The following ABCA4 variants were observed in gnomAD, a reference collection of about 807,000 sequenced individuals.
The protein encoded by ABCA4 is ATP binding cassette subfamily A member 4.
Under a neutral mutation model 263.7 loss-of-function variants are expected in ABCA4, and 196 were observed. The observed-to-expected ratio is 0.74, with a 90% CI of 0.66 to 0.84. ABCA4 has a LOEUF of 0.84. Among genes scored for constraint, ABCA4 ranks in the 40% least tolerant of loss-of-function variants. The pLI, the probability that ABCA4 is intolerant of heterozygous loss-of-function variation, is 0.00. For synonymous variants in ABCA4, 1,133 were observed against 1,094.2 expected (o/e 1.04, Z -0.70); for missense variants, 2,792 against 2,855.1 (o/e 0.98, Z 0.50).
chr1:94,002,082 G>T, intron 44 of ABCA4, 90 bp from the exon 45 acceptor site: 3 of 1,586,714 alleles, frequency 1.9e-6, no homozygotes, highest in Admixed American at 3.4e-5. Flanking sequence ...CAGATCTCAC[G>T]CCTCCAGAAT....
intron 6 of ABCA4, among the ~76,000 whole-genome samples, chr1:94,089,172 T>C (rs1661908835): frequency 1.3e-5 from 2 of 152,248 alleles, no homozygotes; most frequent in Admixed American, 1.3e-4. Flanking sequence ...TATGTAGGTA[T>C]AGTTTTCTAA....
chr1:94,026,977 A>G (rs1343862009), intron 30 of ABCA4, among the ~76,000 whole-genome samples: 4 of 152,050 alleles, frequency 2.6e-5, no homozygotes, highest in Admixed American at 2.0e-4. Flanking sequence ...AGAATGAGAA[A>G]GAGATTGAGA....
At chr1:94,061,372 G>T in intron 13 of ABCA4, 1 of 158,152 alleles carries the variant, frequency 6.3e-6, no homozygotes, top group Admixed American at 6.0e-5. Context: ...AGGAGACCCT[G>T]GTATATCCAC....
Position 94,044,443 on chromosome 1 carries a change from A to G in ABCA4, c.3050+170T>C, listed in dbSNP as rs17110925. 0.022 allele frequency among the ~76,000 whole-genome samples: 3,391 copies of G among 152,274 alleles called. 131 individuals carry two copies. Among genetic ancestry groups the G allele is most frequent in the African/African-American group, 0.076 (3,151 of 41,550 alleles). The stretch of plus-strand genomic sequence containing the variant: ...GCAGAGTCCCATATTCTCAGGGACA[A>G]TTCTCACTGCAAGTAGGACAAAGGA... On this transcript the variant is annotated intron_variant, in intron 20 of 49. Coordinates refer to ENST00000370225, the MANE Select transcript of ABCA4 (RefSeq NM_000350.3).
At chr1:94,090,943 A>G (rs1661951940) in intron 6 of ABCA4, among the ~76,000 whole-genome samples, 1 of 152,160 alleles carries the variant, frequency 6.6e-6, no homozygotes, top group Non-Finnish European at 1.5e-5. Flanking sequence ...GGGAAGTGAC[A>G]CTTGAGCTGA....
intron 18 of ABCA4, among the ~76,000 whole-genome samples, chr1:94,048,093 C>T (rs1252440614): frequency 6.6e-6 from 1 of 152,194 alleles, no homozygotes; most frequent in African/African-American, 2.4e-5. Flanking sequence ...TGCAGTCTAA[C>T]TCTGGGAGGG....
At chr1:94,023,465 G>C (rs759839525) in intron 31 of ABCA4, 47 bp from the exon 32 acceptor site, 3 of 1,463,710 alleles carry the variant, frequency 2.0e-6, no homozygotes, top group Non-Finnish European at 2.9e-6. Context: ...AAGTACAGCA[G>C]TGCCGTTAAC....
At chr1:94,117,032 C>CCT (rs1662807416) in intron 1 of ABCA4, among the ~76,000 whole-genome samples, 1 of 97,806 alleles carries the variant, frequency 1.0e-5, no homozygotes, top group East Asian at 3.0e-4. Context: ...CTTTCCTTTT[C>CCT]TTTCTTTCTT....
rs112707138 is a variant in ABCA4, at chr1:94,027,360, C to T, written c.4539+2085G>A. ...TAGGTAGGCTTGGCCTCCCCTCCCT[C>T]GCCCTGGCCAAGAGCTCAGGGTACA... On this transcript the variant is annotated intron_variant, in intron 30 of 49. Coordinates refer to ENST00000370225, the MANE Select transcript of ABCA4 (RefSeq NM_000350.3). 9.1e-4 allele frequency among the ~76,000 whole-genome samples: 138 copies of T among 152,324 alleles called. 1 individual carries two copies. Among genetic ancestry groups the T allele is most frequent in the African/African-American group, 3.1e-3 (127 of 41,574 alleles).
At position 94,078,577 on chromosome 1, in the gene ABCA4, C is replaced by A. The variant is rs752309029; in HGVS notation, c.1356+13G>T. On this transcript the variant is annotated intron_variant, in intron 10 of 49. Transcript: ENST00000370225. ...CTCCTCCCCTCCCCTCCCCATCCTC[C>A]AACCCCCCTTACTCTGATCATGTTC... 4 of 1,237,094 alleles carry A rather than the reference C, an allele frequency of 3.2e-6. No individual in the cohort carries two copies. Among genetic ancestry groups the A allele is most frequent in the Non-Finnish European group, 4.5e-6 (4 of 881,548 alleles). 76.6% of individuals were successfully genotyped at this position (1,237,094 alleles called of 1,614,324 possible).
At chr1:94,099,129 T>C (rs969688500) in intron 5 of ABCA4, 138 bp from the exon 6 acceptor site, 1 of 982,030 alleles carries the variant, frequency 1.0e-6, no homozygotes, top group Admixed American at 2.1e-5. Flanking sequence ...AGCCACTGAT[T>C]AGCTGATTTT....
chr1:94,085,824 C>A (rs568250866), intron 6 of ABCA4, among the ~76,000 whole-genome samples: 68 of 152,176 alleles, frequency 4.5e-4, no homozygotes, highest in African/African-American at 1.2e-3. Context: ...GCTCTCTATT[C>A]CCCCCCATTC....
At chr1:94,064,304 A>G (rs1336976254) in intron 11 of ABCA4, among the ~76,000 whole-genome samples, 1 of 152,244 alleles carries the variant, frequency 6.6e-6, no homozygotes, top group Non-Finnish European at 1.5e-5. Context: ...ACCAACAACC[A>G]TAATGTGGAA....
At chr1:94,119,631 C>T (rs574927497) in intron 1 of ABCA4, among the ~76,000 whole-genome samples, 1 of 152,274 alleles carries the variant, frequency 6.6e-6, no homozygotes, top group African/African-American at 2.4e-5. Flanking sequence ...TGCTCCAAGT[C>T]TTAATAATTC....
At chr1:94,015,373 A>G (rs1459995024) in intron 37 of ABCA4, among the ~76,000 whole-genome samples, 1 of 152,142 alleles carries the variant, frequency 6.6e-6, no homozygotes, top group Non-Finnish European at 1.5e-5. Flanking sequence ...GCCAGTTCAC[A>G]TGGGGACACT....
At chr1:94,103,211 A>G (rs1570426540) in intron 4 of ABCA4, 69 bp from the exon 5 acceptor site, 1 of 1,578,220 alleles carries the variant, frequency 6.3e-7, no homozygotes, top group East Asian at 2.3e-5. Context: ...AAACAGCCAG[A>G]GTCGATTGGA....
At chr1:94,029,401 T>A in intron 30 of ABCA4, 44 bp downstream of exon 30, 1 of 1,494,090 alleles carries the variant, frequency 6.7e-7, no homozygotes. Context: ...CTAGTCCCTC[T>A]GTGGCAGGCA....
chr1:94,025,936 T>A (rs1011013569), intron 30 of ABCA4, among the ~76,000 whole-genome samples: 1 of 152,214 alleles, frequency 6.6e-6, no homozygotes. Flanking sequence ...GTGACATTAA[T>A]GAAAGAATTT....
intron 26 of ABCA4, among the ~76,000 whole-genome samples, chr1:94,033,257 A>G (rs1332519128): frequency 6.6e-6 from 1 of 151,884 alleles, no homozygotes; most frequent in Non-Finnish European, 1.5e-5. Flanking sequence ...CTGTCTCTAC[A>G]AACAACTAGA....
Sources: gnomAD v4.1 joint callset for allele counts (sites outside exome capture counted in the v4.1 genomes callset) on GRCh38, gnomAD v4.1.1 for gene constraint, MANE v1.5 for transcripts, NCBI Gene and HGNC (gene_info 2026-07-23, HGNC 2026-07-21) for gene names.